PLA2R1: variants seen among roughly 807,000 people sequenced by gnomAD.
PLA2R1 encodes the protein phospholipase A2 receptor 1, also known as secretory phospholipase A2 receptor.
PLA2R1 carries 158 observed loss-of-function variants against 195.9 expected under a neutral mutation model. That is an observed-to-expected ratio of 0.81 (90% confidence interval 0.71 to 0.92). The LOEUF is 0.92. PLA2R1 is among the 40% of genes least tolerant of loss of function. The pLI, the probability that PLA2R1 is intolerant of heterozygous loss-of-function variation, is 0.00. For missense variants in PLA2R1, 1,626 were observed against 1,764.6 expected (o/e 0.92, Z 1.41); for synonymous variants, 586 against 598.2 (o/e 0.98, Z 0.30).
intron 11 of PLA2R1, among the ~76,000 whole-genome samples, chr2:159,994,834 T>C (rs747710753): frequency 2.6e-5 from 4 of 152,072 alleles, no homozygotes; most frequent in Non-Finnish European, 5.9e-5. Flanking sequence ...TTTGCTTTTA[T>C]GCTAGTGAAA....
intron 23 of PLA2R1, among the ~76,000 whole-genome samples, chr2:159,953,877 A>G (rs1687917466): frequency 1.3e-5 from 2 of 152,240 alleles, no homozygotes; most frequent in Non-Finnish European, 2.9e-5. Flanking sequence ...TCTGTAGCCC[A>G]GGCTGGAATG....
At chr2:160,047,230 C>T (rs1322890973) in intron 1 of PLA2R1, among the ~76,000 whole-genome samples, 1 of 152,160 alleles carries the variant, frequency 6.6e-6, no homozygotes, top group East Asian at 1.9e-4. Flanking sequence ...CATCTTTCCT[C>T]CTTGAACTGG....
intron 11 of PLA2R1, among the ~76,000 whole-genome samples, chr2:160,004,494 C>T (rs769451450): frequency 1.3e-5 from 2 of 152,166 alleles, no homozygotes; most frequent in African/African-American, 2.4e-5. Context: ...ATACCTCCCC[C>T]TGTGGCTTAG....
intron 7 of PLA2R1, among the ~76,000 whole-genome samples, chr2:160,021,320 GTACTCATA>G (rs1222977060): frequency 1.3e-5 from 2 of 152,182 alleles, no homozygotes; most frequent in African/African-American, 4.8e-5. Context: ...AAAGACACCT[GTACTCATA>G]TGTTTATCAC....
intron 1 of PLA2R1, among the ~76,000 whole-genome samples, chr2:160,056,602 AT>A (rs1430270048): frequency 6.6e-6 from 1 of 151,922 alleles, no homozygotes; most frequent in East Asian, 1.9e-4. Context: ...TTAAATATAT[AT>A]TTTCCTCTTT....
intron 11 of PLA2R1, among the ~76,000 whole-genome samples, chr2:160,004,030 C>T (rs1306761679): frequency 2.6e-5 from 4 of 152,124 alleles, no homozygotes; most frequent in Non-Finnish European, 5.9e-5. Context: ...TATTTAAATG[C>T]AATGCATAGA....
chr2:159,969,291 T>C lies in PLA2R1; in HGVS notation c.2729A>G (p.Gln910Arg), dbSNP rs1190793278. Residue 910 changes from glutamine (Q) to arginine (R), a missense_variant, in exon 19 of 30, where the codon CAG (glutamine) becomes CGG (arginine). Physicochemically the swap from Gln to Arg is conservative, Grantham distance 43. Coordinates refer to ENST00000283243, the MANE Select transcript of PLA2R1 (RefSeq NM_007366.5). ...AGAAATAAAGCCACATCTCTGGCTCTGATTATTCACAGTTCTTTCTCTTCC... is the reference window on the plus strand; with the variant it reads ...AGAAATAAAGCCACATCTCTGGCTCCGATTATTCACAGTTCTTTCTCTTCC... ...DTGRERTVNN[Q>R]SQRCGFISSI... The C allele has an allele frequency of 1.2e-6, 2 of 1,607,178 alleles. No individual in the cohort carries two copies. The highest frequency in any genetic ancestry group is 1.7e-6 in the Non-Finnish European group (2 of 1,173,966).
In PLA2R1 at chr2:159,941,875, G is replaced by T. The variant is rs778466311; in HGVS notation, c.4295C>A (p.Ala1432Glu). ...AGGATAGTAAGGATTCCGAAACCCTGCAAGTCTCCTGAAGAAGCCACCGTT... is the reference window on the plus strand; with the variant it reads ...AGGATAGTAAGGATTCCGAAACCCTTCAAGTCTCCTGAAGAAGCCACCGTT... Reference protein sequence around the residue: ...KHNGGFFRRLAGFRNPYYPAT... With the variant: ...KHNGGFFRRLEGFRNPYYPAT... The change falls in exon 30 of 30, where the codon GCA (alanine) becomes GAA (glutamate). Residue 1432 changes from alanine to glutamate, a missense_variant. Coordinates refer to ENST00000283243, the MANE Select transcript of PLA2R1 (RefSeq NM_007366.5). 6.2e-6 allele frequency: 10 copies of T among 1,613,180 alleles called. No homozygotes were observed. Among genetic ancestry groups the T allele is most frequent in the Non-Finnish European group, 6.8e-6 (8 of 1,179,182 alleles).
At chr2:160,048,480 C>T (rs1284201604) in intron 1 of PLA2R1, among the ~76,000 whole-genome samples, 1 of 152,208 alleles carries the variant, frequency 6.6e-6, no homozygotes, top group African/African-American at 2.4e-5. Context: ...CTGTTAATCT[C>T]CATAAATTCA....
chr2:159,989,104 A>C (rs1486074178), intron 11 of PLA2R1, among the ~76,000 whole-genome samples: 1 of 152,192 alleles, frequency 6.6e-6, no homozygotes, highest in Non-Finnish European at 1.5e-5. Flanking sequence ...GAAGAAAAGA[A>C]AGTCAAGGAA....
chr2:159,936,491 G>A lies in PLA2R1; in HGVS notation c.*5287C>T, dbSNP rs1468187344. ...ATTAAAAACTGCTAGTATAAATCAA[G>A]GTTCAGCATCAATTCTGTTCTCTCT... On this transcript the variant is annotated 3_prime_UTR_variant, in exon 30 of 30. Coordinates refer to ENST00000283243, the MANE Select transcript of PLA2R1 (RefSeq NM_007366.5). The A allele has an allele frequency of 6.6e-6, 1 of 152,146 alleles. No homozygotes were observed. The highest frequency in any genetic ancestry group is 1.5e-5 in the Non-Finnish European group (1 of 68,032). 9.4% of individuals were successfully genotyped at this position (152,146 alleles called of 1,614,324 possible).
intron 3 of PLA2R1, among the ~76,000 whole-genome samples, chr2:160,038,575 G>A (rs1368437148): frequency 6.6e-6 from 1 of 152,238 alleles, no homozygotes; most frequent in African/African-American, 2.4e-5. Context: ...GATGGGCACA[G>A]ATGCAGGTAG....
chr2:159,985,192 C>T (rs1464604530), intron 12 of PLA2R1, among the ~76,000 whole-genome samples: 1 of 152,228 alleles, frequency 6.6e-6, no homozygotes, highest in East Asian at 1.9e-4. Flanking sequence ...GTTTACTCAT[C>T]TCTAAGGTTT....
At chr2:159,949,899 G>T in intron 24 of PLA2R1, 123 bp from the exon 25 acceptor site, 1 of 702,242 alleles carries the variant, frequency 1.4e-6, no homozygotes, top group Non-Finnish European at 2.5e-6. Flanking sequence ...TTAAAGAGGG[G>T]CTAGGACATC....
At chr2:159,980,564 A>T (rs1299857269) in intron 13 of PLA2R1, among the ~76,000 whole-genome samples, 2 of 152,156 alleles carry the variant, frequency 1.3e-5, no homozygotes, top group African/African-American at 4.8e-5. Flanking sequence ...ATATCAACAC[A>T]AATAATTCTA....
At chr2:159,986,307 T>TA (rs1326209395) in intron 12 of PLA2R1, among the ~76,000 whole-genome samples, 11 of 151,874 alleles carry the variant, frequency 7.2e-5, no homozygotes, top group South Asian at 2.1e-4. Context: ...ATGCAAATAT[T>TA]AAAAAAAACA....
At chr2:160,027,256 G>A (rs753958045) in intron 6 of PLA2R1, among the ~76,000 whole-genome samples, 1 of 152,108 alleles carries the variant, frequency 6.6e-6, no homozygotes, top group Non-Finnish European at 1.5e-5. Flanking sequence ...CAGAAGGAAA[G>A]AAGGGTGGCA....
At chr2:159,945,480 G>C (rs2125920181) in intron 27 of PLA2R1, among the ~76,000 whole-genome samples, 1 of 152,216 alleles carries the variant, frequency 6.6e-6, no homozygotes, top group Middle Eastern at 3.4e-3. Flanking sequence ...TAATTACTGA[G>C]AATGATGATT....
rs1020492751 is a variant in PLA2R1 at position 159,970,290 on chromosome 2, A to G, written c.2596-78T>C. 6.8e-6 allele frequency: 6 copies of G among 882,526 alleles called. No homozygotes were observed. The African/African-American group carries it at 1.0e-4, about 15-fold the overall frequency. The allele number at this position is 882,526 out of a possible 1,614,324, so 54.7% of individuals were successfully genotyped here. A position where few individuals can be genotyped will look rare whatever the true frequency, so the allele number is the denominator to read the frequency against. ...ATTAAGAGTAATGGGGTTGCTGCTA[A>G]TAGCTTTCTATTCTTCAGTATTTTA... On this transcript the variant is annotated intron_variant, in intron 17 of 29. Coordinates refer to ENST00000283243, the MANE Select transcript of PLA2R1 (RefSeq NM_007366.5).
Sources: gnomAD v4.1 joint callset for allele counts (sites outside exome capture counted in the v4.1 genomes callset) on GRCh38, gnomAD v4.1.1 for gene constraint, MANE v1.5 for transcripts, NCBI Gene and HGNC (gene_info 2026-07-23, HGNC 2026-07-21) for gene names.